SVEP1: variants seen among roughly 807,000 people sequenced by gnomAD.
SVEP1 encodes sushi, von Willebrand factor type A, EGF and pentraxin domain-containing protein 1.
SVEP1 carries 164 observed loss-of-function variants against 367.3 expected under a neutral mutation model. The observed-to-expected ratio is 0.45, with a 90% confidence interval of 0.39 to 0.51. The LOEUF (loss-of-function observed/expected upper bound fraction) is 0.51, where lower values mean the gene tolerates loss of function less well. Among genes scored for constraint, SVEP1 ranks in the 20% least tolerant of loss-of-function variants. SVEP1 has a pLI of 0.00. For missense variants in SVEP1, 4,117 were observed against 4,425.3 expected, an observed-to-expected ratio of 0.93 and a Z score of 1.98; for synonymous variants, 1,666 against 1,611.6, an observed-to-expected ratio of 1.03 and a Z score of -0.81.
At chr9:110,573,571 T>G (rs1317764892) in intron 1 of SVEP1, among the ~76,000 whole-genome samples, 1 of 152,032 alleles carries the variant, frequency 6.6e-6, no homozygotes, top group Non-Finnish European at 1.5e-5. Context: ...AGCAGATTTT[T>G]TTTTTTTCAA....
rs886491264 is a variant in SVEP1, at chr9:110,514,102, G to A, written c.969C>T (p.Cys323=). 3 of 1,608,408 alleles carry A rather than the reference G, an allele frequency of 1.9e-6. No homozygotes were observed. The highest frequency in any genetic ancestry group is 1.7e-6 in the Non-Finnish European group (2 of 1,177,150). ...GKGLQYECTA[C]PSGTYKPEGS... is the part of the protein sequence containing the mutation. ...CTTCAGGTTTGTATGTCCCCGATGGGCAAGCTGTGGGCAGACAAGCCGGAG... is the reference window on the plus strand; with the variant it reads ...CTTCAGGTTTGTATGTCCCCGATGGACAAGCTGTGGGCAGACAAGCCGGAG... The change falls in exon 4 of 48, where the codon TGC becomes TGT. Residue 323 remains cysteine (C), a synonymous_variant. Coordinates refer to ENST00000374469, the MANE Select transcript of SVEP1 (RefSeq NM_153366.4).
intron 30 of SVEP1, 149 bp downstream of exon 30, chr9:110,434,187 A>G: frequency 2.1e-6 from 2 of 932,434 alleles, no homozygotes; most frequent in Middle Eastern, 3.2e-4. Flanking sequence ...GATGCCCAGC[A>G]CAGTTCATTA....
At chr9:110,370,094 G>T (rs1170890375) in intron 46 of SVEP1, 78 bp from the exon 47 acceptor site, 2 of 1,298,956 alleles carry the variant, frequency 1.5e-6, no homozygotes, top group East Asian at 2.5e-5. Flanking sequence ...CGTAGGATAA[G>T]ATTTGACTCT....
In SVEP1 at chr9:110,466,026, G is replaced by T. The variant is rs761983701; in HGVS notation, c.3161C>A (p.Ala1054Asp). The part of the protein sequence containing the change: ...IHSRNISDCK[A>D]QCKQGTYSYS... Reference sequence around the variant, plus strand: ...TGAGTAGGTGCCTTGTTTACACTGAGCTGAAAAGAAAAAGGTAATATTACT... The same window carrying T: ...TGAGTAGGTGCCTTGTTTACACTGATCTGAAAAGAAAAAGGTAATATTACT... The change falls in exon 18 of 48, where the codon GCT (alanine) becomes GAT (aspartate). Residue 1054 changes from alanine to aspartate, a missense_variant and splice_region_variant. Ala to Asp is a moderately radical substitution (Grantham distance 126). Transcript: ENST00000374469. 11 of 1,610,276 alleles carry T rather than the reference G, an allele frequency of 6.8e-6. No individual in the cohort carries two copies. Among genetic ancestry groups the T allele is most frequent in the Non-Finnish European group, 9.3e-6 (11 of 1,177,326 alleles).
chr9:110,466,760 C>CAAAAAAAAAAAAAAAAAAAA lies in SVEP1; in HGVS notation c.3161-735_3161-734insTTTTTTTTTTTTTTTTTTTT, dbSNP rs71371670. On this transcript the variant is annotated intron_variant, in intron 17 of 47. Transcript: ENST00000374469. ...TGGGCGACAGAGCGAGACTCCATCT[C>CAAAAAAAAAAAAAAAAAAAA]AAAAAAAAAAAAAAAAAAGAACTGG... Among the ~76,000 whole-genome samples, 87 of 46,396 alleles carry CAAAAAAAAAAAAAAAAAAAA rather than the reference C, an allele frequency of 1.9e-3. 30 individuals carry two copies. The Middle Eastern group carries it at 0.042, about 22-fold the overall frequency. 30.4% of individuals were successfully genotyped at this position (46,396 alleles called of 152,430 possible).
chr9:110,578,505 T>A lies in SVEP1; in HGVS notation c.531+508A>T, dbSNP rs192931924. ...TTGTAATCAGAAAAACAGACACACTTTACAAAAGTCCGACATCCCAAACTG... is the reference window on the plus strand; with the variant it reads ...TTGTAATCAGAAAAACAGACACACTATACAAAAGTCCGACATCCCAAACTG... On this transcript the variant is annotated intron_variant, in intron 1 of 47. Transcript: ENST00000374469. Among the ~76,000 whole-genome samples, 342 of 152,290 alleles carry A rather than the reference T, an allele frequency of 2.2e-3. 1 individual carries two copies. Among genetic ancestry groups the A allele is most frequent in the Non-Finnish European group, 4.5e-3 (307 of 68,012 alleles).
chr9:110,543,148 T>C (rs1208447964), intron 3 of SVEP1, among the ~76,000 whole-genome samples: 1 of 151,998 alleles, frequency 6.6e-6, no homozygotes, highest in Non-Finnish European at 1.5e-5. Context: ...CTCCTACTGT[T>C]CCAGAGAAGC....
intron 27 of SVEP1, among the ~76,000 whole-genome samples, chr9:110,439,236 G>C (rs1828476581): frequency 6.6e-6 from 1 of 152,102 alleles, no homozygotes; most frequent in Non-Finnish European, 1.5e-5. Context: ...AGAGACACCA[G>C]AAAGCTTGCT....
chr9:110,556,880 CA>C (rs1262101340), intron 1 of SVEP1, among the ~76,000 whole-genome samples: 1 of 152,184 alleles, frequency 6.6e-6, no homozygotes, highest in Non-Finnish European at 1.5e-5. Context: ...CTAATACCTA[CA>C]ATGACTATAT....
intron 3 of SVEP1, among the ~76,000 whole-genome samples, chr9:110,534,276 G>A (rs1325973068): frequency 6.6e-6 from 1 of 152,076 alleles, no homozygotes; most frequent in Non-Finnish European, 1.5e-5. Context: ...AGAACATGTG[G>A]TGTTTGGTTT....
chr9:110,552,424 G>A (rs1830301939), intron 1 of SVEP1, among the ~76,000 whole-genome samples: 1 of 152,146 alleles, frequency 6.6e-6, no homozygotes, highest in Non-Finnish European at 1.5e-5. Flanking sequence ...AATGGGGCTG[G>A]AGGACAGTTT....
At chr9:110,394,782 C>A (rs1274795119) in intron 40 of SVEP1, among the ~76,000 whole-genome samples, 4 of 151,896 alleles carry the variant, frequency 2.6e-5, no homozygotes, top group African/African-American at 4.8e-5. Flanking sequence ...TGAAATGAAG[C>A]AAGAAGAGAA....
At chr9:110,375,282 T>G in intron 46 of SVEP1, 86 bp downstream of exon 46, 2 of 1,244,012 alleles carry the variant, frequency 1.6e-6, no homozygotes, top group East Asian at 5.2e-5. Flanking sequence ...TTGCCACCAC[T>G]TCTGAGTCTA....
chr9:110,496,299 C>A (rs1829445484), intron 8 of SVEP1, among the ~76,000 whole-genome samples: 1 of 152,012 alleles, frequency 6.6e-6, no homozygotes, highest in South Asian at 2.1e-4. Flanking sequence ...AGAGGCAGAC[C>A]CACCCTCAGT....
intron 3 of SVEP1, among the ~76,000 whole-genome samples, chr9:110,525,786 A>C (rs1333500359): frequency 2.0e-5 from 3 of 152,018 alleles, no homozygotes; most frequent in African/African-American, 4.8e-5. Context: ...TACTTTTTTA[A>C]AAAAATTATA....
chr9:110,382,567 A>G (rs762010841), intron 43 of SVEP1, among the ~76,000 whole-genome samples: 3 of 152,048 alleles, frequency 2.0e-5, no homozygotes, highest in Non-Finnish European at 2.9e-5. Context: ...CTCATGGAGT[A>G]TCTTACTGGG....
At chr9:110,529,975 G>A (rs1452853980) in intron 3 of SVEP1, among the ~76,000 whole-genome samples, 1 of 151,720 alleles carries the variant, frequency 6.6e-6, no homozygotes, top group African/African-American at 2.4e-5. Context: ...TTCCCACTTA[G>A]TATGTTGGCT....
chr9:110,469,582 GGGT>G (rs1014477323), intron 16 of SVEP1, among the ~76,000 whole-genome samples: 1 of 152,162 alleles, frequency 6.6e-6, no homozygotes, highest in African/African-American at 2.4e-5. Context: ...GGTAGGTTTG[GGGT>G]GGCTCAGAAA....
At chr9:110,528,156 G>GTATGTATATATA (rs1554721448) in intron 3 of SVEP1, among the ~76,000 whole-genome samples, 4 of 33,950 alleles carry the variant, frequency 1.2e-4, no homozygotes, top group African/African-American at 3.2e-4. Context: ...GTGTGTGTGT[G>GTATGTATATATA]TATATATATA....
Sources: gnomAD v4.1 joint callset for allele counts (sites outside exome capture counted in the v4.1 genomes callset) on GRCh38, gnomAD v4.1.1 for gene constraint, MANE v1.5 for transcripts, NCBI Gene and HGNC (gene_info 2026-07-23, HGNC 2026-07-21) for gene names.